The following TMEM235 variants were observed in gnomAD, a reference collection of about 807,000 sequenced individuals.
TMEM235 encodes transmembrane protein 235, also known as claudin-27.
Under a neutral mutation model 22.9 loss-of-function variants are expected in TMEM235, and 23 were observed. That is an observed-to-expected ratio of 1.00 (90% CI 0.72 to 1.42). TMEM235 has a LOEUF of 1.42. Among genes scored for constraint, TMEM235 ranks in the 40% most tolerant of loss-of-function variants. The probability of loss-of-function intolerance (pLI) is 0.00; values close to 1 mark genes in which losing one functional copy is unlikely to be tolerated. For synonymous variants in TMEM235, 137 were observed against 140.5 expected (o/e 0.98, Z 0.17); for missense variants, 308 against 299.5 (o/e 1.03, Z -0.21).
chr17:78,236,209 C>A (rs560063663), intron 4 of TMEM235, among the ~76,000 whole-genome samples: 88 of 152,238 alleles, frequency 5.8e-4, no homozygotes, highest in Non-Finnish European at 1.1e-3. Context: ...AACCCCAGGA[C>A]CTGCTCTACT....
chr17:78,233,812 G>C, intron 2 of TMEM235, 83 bp from the exon 2 acceptor site: 2 of 1,294,076 alleles, frequency 1.5e-6, no homozygotes, highest in South Asian at 2.6e-5. Flanking sequence ...GCCCTGTGGT[G>C]CCAGGGGGTC....
chr17:78,234,787 C>T (rs929884224), intron 4 of TMEM235, 57 bp downstream of exon 3: 173 of 1,530,968 alleles, frequency 1.1e-4, no homozygotes, highest in South Asian at 1.2e-4. Context: ...CCACAGGTCC[C>T]GGGAGTGGGG....
At chr17:78,234,411 T>C in intron 3 of TMEM235, 182 bp from the exon 3 acceptor site, 1 of 922,456 alleles carries the variant, frequency 1.1e-6, no homozygotes, top group Non-Finnish European at 1.7e-6. Flanking sequence ...CCTCCCCTCC[T>C]GGCCTTAGGA....
At position 78,234,324 on chromosome 17, in the gene TMEM235, C is replaced by T. The variant is rs142720478; in HGVS notation, c.272-269C>T. On this transcript the variant is annotated intron_variant, in intron 3 of 5. Coordinates refer to ENST00000421688, the Ensembl canonical transcript of TMEM235. ...TTCTTCCAGATGGCCTGCTGTCTAC[C>T]TGGCTGGCACCTTCCACCTGGCGGG... is the stretch of plus-strand genomic sequence containing the variant. 2,591 of 697,522 alleles carry T rather than the reference C, an allele frequency of 3.7e-3. 57 individuals are homozygous for T. The African/African-American group carries it at 0.04, about 11-fold the overall frequency. 43.2% of individuals were successfully genotyped at this position (697,522 alleles called of 1,614,324 possible). A position where few individuals can be genotyped will look rare whatever the true frequency, so the allele number is the denominator to read the frequency against.
intron 4 of TMEM235, among the ~76,000 whole-genome samples, chr17:78,236,154 G>A (rs908759232): frequency 9.9e-5 from 15 of 152,200 alleles, no homozygotes; most frequent in Admixed American, 3.3e-4. Context: ...GAGGAGCACC[G>A]GGGTCCAAGC....
rs546149028 is a variant in TMEM235, at chr17:78,233,763, G to A, written c.191-132G>A. The A allele has an allele frequency of 5.1e-5, 35 of 684,014 alleles. No homozygotes were observed. The South Asian group carries it at 5.6e-4, about 11-fold the overall frequency. 42.4% of individuals were successfully genotyped at this position (684,014 alleles called of 1,614,324 possible). A position where few individuals can be genotyped will look rare whatever the true frequency, so the allele number is the denominator to read the frequency against. ...CTTGGGCCTTTTCATCCCACTTGGA[G>A]TCCCAGCCCTGAGTTTCAGCAGAAG... On this transcript the variant is annotated intron_variant, in intron 2 of 5. Transcript: ENST00000421688.
intron 2 of TMEM235, among the ~76,000 whole-genome samples, chr17:78,232,713 A>G (rs536021640): frequency 6.6e-6 from 1 of 151,078 alleles, no homozygotes; most frequent in Admixed American, 6.6e-5. Context: ...TGGAGGGTCC[A>G]CAGGGCCCCC....
At position 78,239,009 on chromosome 17, in the gene TMEM235, C is replaced by G. The variant is rs549945851; in HGVS notation, c.410-15C>G. 218 of 1,531,638 alleles carry G rather than the reference C, an allele frequency of 1.4e-4. 1 individual carries two copies. In the African/African-American group the frequency reaches 2.6e-3, roughly 18 times the overall value. The allele number at this position is 1,531,638 out of a possible 1,614,324, so 94.9% of individuals were successfully genotyped here. On this transcript the variant is annotated splice_polypyrimidine_tract_variant and intron_variant, in intron 4 of 5. Transcript: ENST00000421688. ...AGCAGACACCGAGCAGCTGCCCTCC[C>G]CATCTCTCCCCCAGGTGTCCTGACA...
chr17:78,232,252 C>T, intron 2 of TMEM235, 39 bp downstream of exon 1: 1 of 1,416,538 alleles, frequency 7.1e-7, no homozygotes, highest in South Asian at 1.5e-5. Flanking sequence ...CCTCCGCGAC[C>T]TCGTCCCTCC....
In TMEM235 at chr17:78,232,215, T is replaced by C; in HGVS notation, c.190+2T>C. Reference sequence around the variant, plus strand: ...CGGGGCTCTGGCGCATCTGCGAAGGTAACCGGCCACCGCGCCGGCCCTCCT... The same window carrying C: ...CGGGGCTCTGGCGCATCTGCGAAGGCAACCGGCCACCGCGCCGGCCCTCCT... On this transcript the variant is annotated splice_donor_variant, in intron 2 of 5. Coordinates refer to ENST00000421688, the Ensembl canonical transcript of TMEM235. LOFTEE classifies it high-confidence loss of function. The C allele has an allele frequency of 6.9e-7, 1 of 1,458,920 alleles. No homozygotes were observed. Among genetic ancestry groups the C allele is most frequent in the Non-Finnish European group, 9.0e-7 (1 of 1,110,424 alleles). The allele number at this position is 1,458,920 out of a possible 1,614,324, so 90.4% of individuals were successfully genotyped here.
Position 78,238,931 on chromosome 17 carries a change from G to C in TMEM235, c.410-93G>C. On this transcript the variant is annotated intron_variant, in intron 4 of 5. Coordinates refer to ENST00000421688, the Ensembl canonical transcript of TMEM235. This position sits in a 1 kb window ranked among gnomAD's most constrained non-coding sequence, Gnocchi z 4.3. ...GCAGCTCTGCCTGAATGCTAGCGGG[G>C]CCGGGGATGCTGAGGCCATGTCTGC... 1 of 1,463,456 alleles carries C rather than the reference G, an allele frequency of 6.8e-7. No homozygotes were observed. The highest frequency in any genetic ancestry group is 2.5e-5 in the East Asian group (1 of 40,002). The allele number at this position is 1,463,456 out of a possible 1,614,324, so 90.7% of individuals were successfully genotyped here. A position where few individuals can be genotyped will look rare whatever the true frequency, so the allele number is the denominator to read the frequency against.
Position 78,237,762 on chromosome 17 carries a change from C to T in TMEM235, c.410-1262C>T, listed in dbSNP as rs1187370480. On this transcript the variant is annotated intron_variant, in intron 4 of 5. Coordinates refer to ENST00000421688, the Ensembl canonical transcript of TMEM235. The surrounding 1 kb of genome is among the most constrained non-coding windows in gnomAD (Gnocchi z 4.7). ...CATTCAATTTGGCTTCACATTCTTC[C>T]CCAAAATAAATCCATAATTTCTGTT... 6.6e-6 allele frequency among the ~76,000 whole-genome samples: 1 copy of T among 152,152 alleles called. No homozygotes were observed. Among genetic ancestry groups the T allele is most frequent in the Non-Finnish European group, 1.5e-5 (1 of 68,014 alleles).
intron 4 of TMEM235, among the ~76,000 whole-genome samples, chr17:78,236,241 C>A (rs540170118): frequency 6.6e-6 from 1 of 152,016 alleles, no homozygotes; most frequent in Non-Finnish European, 1.5e-5. Context: ...TGCGGGGGGG[C>A]CTGGGGCCAG....
At chr17:78,233,401 T>C (rs1056531126) in intron 2 of TMEM235, among the ~76,000 whole-genome samples, 10 of 152,214 alleles carry the variant, frequency 6.6e-5, no homozygotes, top group African/African-American at 2.4e-4. Context: ...AGGCATAACT[T>C]GCACGTGAAA....
At chr17:78,234,694 C>T (rs754022917) in exon 4 of TMEM235, 1 of 1,536,034 alleles carries the variant, frequency 6.5e-7, no homozygotes, top group South Asian at 1.2e-5. Flanking sequence ...GAGCGTGTCT[C>T]TGCTGCTTTT....
At chr17:78,233,902 C>T (rs61730389) in exon 3 of TMEM235, 176,756 of 1,535,208 alleles carry the variant, frequency 0.12, 11,661 homozygotes, top group Middle Eastern at 0.17. Flanking sequence ...CAGGGCAGAA[C>T]GGCTGCATCC....
exon 6 of TMEM235, chr17:78,240,165 G>C: frequency 1.1e-6 from 1 of 906,738 alleles, no homozygotes; most frequent in African/African-American, 1.7e-5. Context: ...GAGTGCCCTG[G>C]TGGGCACACT....
In TMEM235 at chr17:78,233,884, A is replaced by G. The variant is rs563326597; in HGVS notation, c.191-11A>G. The stretch of plus-strand genomic sequence containing the variant: ...GTCCAGGCCCCAGGCTTCGAGGCCT[A>G]TGTTTCCCAGGGCAGAACGGCTGCA... On this transcript the variant is annotated splice_polypyrimidine_tract_variant and intron_variant, in intron 2 of 5. Transcript: ENST00000421688. 4.6e-6 allele frequency: 7 copies of G among 1,535,728 alleles called. No individual in the cohort carries two copies. The highest frequency in any genetic ancestry group is 2.4e-5 in the East Asian group (1 of 40,890).
chr17:78,238,443 G>A lies in TMEM235; in HGVS notation c.410-581G>A, dbSNP rs1012377702. The stretch of plus-strand genomic sequence containing the variant: ...TCAGAGGGAGGGGGATGTTAGCCCC[G>A]GAGGTAGGGAGGGCAAAGGTGTGAG... On this transcript the variant is annotated intron_variant, in intron 4 of 5. Transcript: ENST00000421688. The surrounding 1 kb of genome is among the most constrained non-coding windows in gnomAD (Gnocchi z 4.3). Among the ~76,000 whole-genome samples, 12 of 152,042 alleles carry A rather than the reference G, an allele frequency of 7.9e-5. No homozygotes were observed. Among genetic ancestry groups the A allele is most frequent in the African/African-American group, 2.7e-4 (11 of 41,394 alleles).
Sources: allele counts gnomAD v4.1 joint callset (sites outside exome capture counted in the v4.1 genomes callset), GRCh38; gene constraint gnomAD v4.1.1; non-coding constraint Gnocchi (gnomAD v3.1); transcripts MANE v1.5; gene names NCBI Gene and HGNC (gene_info 2026-07-23, HGNC 2026-07-21).